The following ABCC9 variants were observed in gnomAD, a reference collection of about 807,000 sequenced individuals.
ABCC9 encodes the protein ATP binding cassette subfamily C member 9.
A neutral mutation model predicts 188.3 loss-of-function variants in ABCC9; 95 were observed. The observed-to-expected ratio is 0.50, with a 90% confidence interval of 0.43 to 0.60. ABCC9 has a LOEUF of 0.60. Ranked by LOEUF, ABCC9 falls within the 20% of genes least tolerant of loss-of-function variation. ABCC9 has a pLI of 0.00. For synonymous variants in ABCC9, 659 were observed against 652.7 expected (o/e 1.01, Z -0.15); for missense variants, 1,102 against 1,876.3 (o/e 0.59, Z 7.62).
chr12:21,880,745 A>G (rs1291192596), intron 16 of ABCC9, among the ~76,000 whole-genome samples: 2 of 152,158 alleles, frequency 1.3e-5, no homozygotes, highest in Non-Finnish European at 2.9e-5. Context: ...GTAGAGCAAC[A>G]GGAACTCTCA....
rs1224866217 is a variant in ABCC9 at position 21,920,282 on chromosome 12, G to T, written c.407-3179C>A. ...AAAAGAAAAAAGAAGGCATAAAGAA[G>T]GTTGAAAGAAAATAAGTGTCTCTCT... On this transcript the variant is annotated intron_variant, in intron 5 of 39. Coordinates refer to ENST00000261200, the MANE Select transcript of ABCC9 (RefSeq NM_020297.4). Among the ~76,000 whole-genome samples the T allele has an allele frequency of 1.1e-4, 17 of 151,984 alleles. 1 individual carries two copies. Among genetic ancestry groups the T allele is most frequent in the Admixed American group, 1.1e-3 (17 of 15,224 alleles).
Position 21,882,893 on chromosome 12 carries a change from G to C in ABCC9, c.1912-20C>G, listed in dbSNP as rs1172728596. On this transcript the variant is annotated intron_variant, in intron 15 of 39. Transcript: ENST00000261200. ...TGGCTGCTGCATTCCAAATGGAAAA[G>C]AACACAAGTTGAGGCTTTATTAAAA... 6.3e-7 allele frequency: 1 copy of C among 1,577,926 alleles called. No homozygotes were observed. The highest frequency in any genetic ancestry group is 1.7e-5 in the Admixed American group (1 of 59,868).
intron 18 of ABCC9, among the ~76,000 whole-genome samples, chr12:21,871,010 A>G (rs1946045490): frequency 6.6e-6 from 1 of 152,218 alleles, no homozygotes; most frequent in Admixed American, 6.5e-5. Flanking sequence ...CACTTGGAAC[A>G]GGCCAGATTA....
rs1344118696 is a variant in ABCC9, at chr12:21,818,162, C to A, written c.3759G>T (p.Leu1253=). 1.2e-6 allele frequency: 2 copies of A among 1,612,594 alleles called. No individual in the cohort carries two copies. The highest frequency in any genetic ancestry group is 2.2e-5 in the South Asian group (2 of 91,056). The change falls in exon 32 of 40, where the codon CTG becomes CTT. Residue 1253 remains leucine, a synonymous_variant. Coordinates refer to ENST00000261200, the MANE Select transcript of ABCC9 (RefSeq NM_020297.4). ...SNSGLVGLGL[L]YALTITNYLN... is the part of the protein sequence containing the mutation. ...TATCCATACCTACCGTAAGTGCATA[C>A]AGAAGACCCAAGCCTACCAATCCAG...
intron 30 of ABCC9, chr12:21,831,014 C>CTATCTATCT (rs1555183639): frequency 2.4e-5 from 3 of 123,202 alleles, no homozygotes; most frequent in African/African-American, 5.9e-5. Flanking sequence ...ATCTATCTAT[C>CTATCTATCT]ATCAATCTAT....
chr12:21,904,913 G>A (rs1592198254), intron 12 of ABCC9, among the ~76,000 whole-genome samples: 1 of 152,162 alleles, frequency 6.6e-6, no homozygotes, highest in Admixed American at 6.5e-5. Context: ...ATTTGACCCA[G>A]CAATCCCATT....
intron 28 of ABCC9, among the ~76,000 whole-genome samples, chr12:21,844,267 ATCT>A (rs2137383734): frequency 6.6e-6 from 1 of 152,294 alleles, no homozygotes; most frequent in Admixed American, 6.5e-5. Context: ...TTCTCCAAGT[ATCT>A]TCTTCTACAT....
intron 30 of ABCC9, 145 bp from the exon 31 acceptor site, chr12:21,829,205 T>G (rs898378447): frequency 7.1e-5 from 42 of 590,360 alleles, no homozygotes; most frequent in Non-Finnish European, 1.1e-4. Context: ...TTTTTTTTTT[T>G]TTTTTTTTTT....
At chr12:21,856,487 G>A (rs1444133213) in intron 22 of ABCC9, among the ~76,000 whole-genome samples, 1 of 135,824 alleles carries the variant, frequency 7.4e-6, no homozygotes, top group Non-Finnish European at 1.6e-5. Flanking sequence ...CACATTTGCA[G>A]ATGCAATGAA....
chr12:21,875,817 G>A (rs1420661391), intron 16 of ABCC9, 91 bp from the exon 17 acceptor site: 4 of 1,018,654 alleles, frequency 3.9e-6, no homozygotes, highest in East Asian at 5.4e-5. Context: ...AGGCGCAGTG[G>A]CTCATGCCTG....
intron 14 of ABCC9, 57 bp from the exon 15 acceptor site, chr12:21,887,991 G>T (rs529214408): frequency 1.5e-6 from 2 of 1,310,426 alleles, no homozygotes; most frequent in South Asian, 1.2e-5. Context: ...CACCAACAAA[G>T]TGCTACCTAA....
intron 26 of ABCC9, 58 bp from the exon 27 acceptor site, chr12:21,844,973 C>T (rs1944570436): frequency 6.3e-7 from 1 of 1,581,672 alleles, no homozygotes. Context: ...TTCTTTCTTA[C>T]TAGAAAACCA....
intron 12 of ABCC9, among the ~76,000 whole-genome samples, chr12:21,899,315 G>A (rs529864377): frequency 6.6e-6 from 1 of 152,142 alleles, no homozygotes; most frequent in Non-Finnish European, 1.5e-5. Flanking sequence ...ACATAAGAAT[G>A]CTATGATTTC....
chr12:21,811,644 A>T (rs1273120030), intron 36 of ABCC9, among the ~76,000 whole-genome samples: 1 of 151,956 alleles, frequency 6.6e-6, no homozygotes, highest in Non-Finnish European at 1.5e-5. Flanking sequence ...CTTTATTCAT[A>T]GCAATTTTGG....
chr12:21,888,358 C>T (rs186675707), intron 14 of ABCC9, among the ~76,000 whole-genome samples: 10 of 152,148 alleles, frequency 6.6e-5, no homozygotes, highest in Admixed American at 5.9e-4. Context: ...TACAGAGAAA[C>T]TAAGTAACCT....
intron 22 of ABCC9, among the ~76,000 whole-genome samples, chr12:21,856,099 A>G (rs1419296522): frequency 6.6e-6 from 1 of 152,196 alleles, no homozygotes; most frequent in Non-Finnish European, 1.5e-5. Context: ...AGTACTTAGA[A>G]TCATGCCTAG....
intron 9 of ABCC9, 143 bp downstream of exon 9, chr12:21,910,683 T>C (rs1948282577): frequency 2.7e-6 from 2 of 736,284 alleles, no homozygotes; most frequent in South Asian, 3.7e-5. Context: ...GTTTCTTTCA[T>C]TAAGTAGATT....
At chr12:21,918,286 A>G (rs1364018158) in intron 5 of ABCC9, among the ~76,000 whole-genome samples, 1 of 152,154 alleles carries the variant, frequency 6.6e-6, no homozygotes, top group South Asian at 2.1e-4. Context: ...ACCAATGAAG[A>G]TTTAGAAGAT....
chr12:21,910,090 T>C, intron 10 of ABCC9, 67 bp downstream of exon 10: 1 of 1,439,462 alleles, frequency 6.9e-7, no homozygotes, highest in Non-Finnish European at 9.7e-7. Context: ...CAGAGCTAAA[T>C]ACATTACTGC....
Sources: allele counts gnomAD v4.1 joint callset (sites outside exome capture counted in the v4.1 genomes callset), GRCh38; gene constraint gnomAD v4.1.1; transcripts MANE v1.5; gene names NCBI Gene and HGNC (gene_info 2026-07-23, HGNC 2026-07-21).